The following GRIK4 variants were observed in gnomAD, a reference collection of about 807,000 sequenced individuals.
The protein encoded by GRIK4 is glutamate receptor ionotropic, kainate 4.
A neutral mutation model predicts 104.9 loss-of-function variants in GRIK4; 40 were observed. The observed-to-expected ratio is 0.38, with a 90% CI of 0.30 to 0.50. The LOEUF is 0.50. Among genes scored for constraint, GRIK4 ranks in the 20% least tolerant of loss-of-function variants. GRIK4 has a pLI of 0.93. For synonymous variants in GRIK4, 485 were observed against 524.9 expected, an observed-to-expected ratio of 0.92 and a Z score of 1.04; for missense variants, 1,047 against 1,308.1, an observed-to-expected ratio of 0.80 and a Z score of 3.08.
At chr11:120,797,968 A>G (rs1224805682) in intron 3 of GRIK4, among the ~76,000 whole-genome samples, 1 of 152,148 alleles carries the variant, frequency 6.6e-6, no homozygotes, top group African/African-American at 2.4e-5. Context: ...CCAGGCTGCC[A>G]TAGCAAAATA....
At chr11:120,820,195 C>T (rs1953076937) in intron 6 of GRIK4, among the ~76,000 whole-genome samples, 1 of 152,064 alleles carries the variant, frequency 6.6e-6, no homozygotes, top group African/African-American at 2.4e-5. Context: ...CTTGCCAGGA[C>T]TCCCTGGGCA....
intron 1 of GRIK4, among the ~76,000 whole-genome samples, chr11:120,563,100 G>A (rs555138605): frequency 2.0e-5 from 3 of 152,348 alleles, no homozygotes; most frequent in South Asian, 2.1e-4. Context: ...TGTCTCCCTG[G>A]GTAAAACCCG....
At chr11:120,595,774 G>T (rs1313212961) in intron 1 of GRIK4, among the ~76,000 whole-genome samples, 1 of 152,174 alleles carries the variant, frequency 6.6e-6, no homozygotes, top group East Asian at 1.9e-4. Flanking sequence ...CTGACCATGT[G>T]CCCTGGGGAC....
At chr11:120,809,791 G>A (rs564963149) in intron 4 of GRIK4, among the ~76,000 whole-genome samples, 14 of 152,320 alleles carry the variant, frequency 9.2e-5, no homozygotes, top group South Asian at 4.1e-4. Flanking sequence ...GGGGCTGGGC[G>A]TGGTGGCTCA....
intron 13 of GRIK4, among the ~76,000 whole-genome samples, chr11:120,937,100 C>A (rs893368545): frequency 6.6e-6 from 1 of 152,152 alleles, no homozygotes; most frequent in African/African-American, 2.4e-5. Flanking sequence ...TGCGGTGGCA[C>A]GATCTCAGCT....
intron 8 of GRIK4, among the ~76,000 whole-genome samples, chr11:120,850,453 C>T (rs1953947860): frequency 6.6e-6 from 1 of 152,142 alleles, no homozygotes; most frequent in Non-Finnish European, 1.5e-5. Flanking sequence ...GATCTGGGGC[C>T]AGGGCACCAG....
chr11:120,520,792 A>G (rs1947787652), intron 1 of GRIK4, among the ~76,000 whole-genome samples: 1 of 152,156 alleles, frequency 6.6e-6, no homozygotes, highest in Non-Finnish European at 1.5e-5. Context: ...TGATGGTAGC[A>G]TTGTTAGACT....
At chr11:120,741,874 G>A (rs1951339488) in intron 3 of GRIK4, among the ~76,000 whole-genome samples, 1 of 152,190 alleles carries the variant, frequency 6.6e-6, no homozygotes, top group African/African-American at 2.4e-5. Context: ...GTAAGATGCA[G>A]TCTCTGCCCT....
chr11:120,569,554 TA>T (rs1219973421), intron 1 of GRIK4, among the ~76,000 whole-genome samples: 2 of 152,202 alleles, frequency 1.3e-5, no homozygotes, highest in Non-Finnish European at 2.9e-5. Context: ...TATATATGGG[TA>T]TTCCCTTGTG....
chr11:120,947,034 T>G (rs1436207147), intron 14 of GRIK4, among the ~76,000 whole-genome samples: 4 of 152,222 alleles, frequency 2.6e-5, no homozygotes, highest in Non-Finnish European at 5.9e-5. Context: ...TTATACTCTC[T>G]TCTTTTTCTC....
rs576713909 is a variant in GRIK4, at chr11:120,640,633, C to G, written c.-158-13052C>G. ...AAGCTGCCATGTAACTTTCTTTTAA[C>G]CATAACAAGGAGGGAGAACTGTTTC... On this transcript the variant is annotated intron_variant, in intron 1 of 20. Coordinates refer to ENST00000527524, the MANE Select transcript of GRIK4 (RefSeq NM_014619.5). Among the ~76,000 whole-genome samples, 9 of 152,246 alleles carry G rather than the reference C, an allele frequency of 5.9e-5. No individual in the cohort carries two copies. The South Asian group carries it at 1.7e-3, about 28-fold the overall frequency.
chr11:120,717,873 C>T (rs1950862770), intron 3 of GRIK4, among the ~76,000 whole-genome samples: 2 of 152,120 alleles, frequency 1.3e-5, no homozygotes, highest in African/African-American at 4.8e-5. Flanking sequence ...CTCCTGGAGG[C>T]TGAGCAGCTG....
At chr11:120,781,721 C>T (rs1422382702) in intron 3 of GRIK4, among the ~76,000 whole-genome samples, 2 of 152,136 alleles carry the variant, frequency 1.3e-5, no homozygotes, top group Non-Finnish European at 2.9e-5. Flanking sequence ...GGGATGCAAG[C>T]GGATGAAGCT....
At chr11:120,665,586 T>G (rs954221529) in intron 3 of GRIK4, among the ~76,000 whole-genome samples, 2 of 152,226 alleles carry the variant, frequency 1.3e-5, no homozygotes, top group African/African-American at 4.8e-5. Flanking sequence ...ATGAATTCAC[T>G]GTGGCAAGAT....
intron 4 of GRIK4, among the ~76,000 whole-genome samples, chr11:120,814,056 A>G (rs1300688210): frequency 1.3e-5 from 2 of 152,128 alleles, no homozygotes; most frequent in Non-Finnish European, 2.9e-5. Context: ...CTGATTACAC[A>G]TCCCATTCCT....
At chr11:120,951,035 C>T (rs1313063409) in intron 14 of GRIK4, among the ~76,000 whole-genome samples, 1 of 152,124 alleles carries the variant, frequency 6.6e-6, no homozygotes, top group Admixed American at 6.5e-5. Flanking sequence ...GTGGTCTGAG[C>T]CAATACTGTG....
intron 13 of GRIK4, among the ~76,000 whole-genome samples, chr11:120,933,675 G>C (rs1013337860): frequency 1.3e-5 from 2 of 152,110 alleles, no homozygotes; most frequent in Non-Finnish European, 2.9e-5. Flanking sequence ...GATTTATAAG[G>C]CTCTTCTACA....
intron 1 of GRIK4, among the ~76,000 whole-genome samples, chr11:120,561,511 G>C (rs1023675740): frequency 3.3e-5 from 5 of 152,180 alleles, no homozygotes; most frequent in Non-Finnish European, 7.3e-5. Flanking sequence ...GGGGACTAGG[G>C]GGGCCTACTC....
At chr11:120,870,949 G>C (rs1954593271) in intron 9 of GRIK4, 1 of 152,372 alleles carries the variant, frequency 6.6e-6, no homozygotes, top group Non-Finnish European at 1.5e-5. Flanking sequence ...GTTTCACCGT[G>C]TTGGCAAGGG....
Sources: gnomAD v4.1 joint callset for allele counts (sites outside exome capture counted in the v4.1 genomes callset) on GRCh38, gnomAD v4.1.1 for gene constraint, MANE v1.5 for transcripts, NCBI Gene and HGNC (gene_info 2026-07-23, HGNC 2026-07-21) for gene names.